PPP2R2B: variants seen among roughly 807,000 people sequenced by gnomAD.
The protein encoded by PPP2R2B is serine/threonine-protein phosphatase 2A 55 kDa regulatory subunit B beta isoform.
A neutral mutation model predicts 46.0 loss-of-function variants in PPP2R2B; 5 were observed. That is an observed-to-expected ratio of 0.11 (90% confidence interval 0.06 to 0.23). The LOEUF (loss-of-function observed/expected upper bound fraction) is 0.23, where lower values mean the gene tolerates loss of function less well. Ranked by LOEUF, PPP2R2B falls within the 10% of genes least tolerant of loss-of-function variation. The probability of loss-of-function intolerance (pLI) is 1.00; values close to 1 mark genes in which losing one functional copy is unlikely to be tolerated. For synonymous variants in PPP2R2B, 215 were observed against 206.7 expected, an observed-to-expected ratio of 1.04 and a Z score of -0.34; for missense variants, 367 against 575.0, an observed-to-expected ratio of 0.64 and a Z score of 3.70.
intron 1 of PPP2R2B, among the ~76,000 whole-genome samples, chr5:146,929,186 C>G (rs915698848): frequency 6.6e-6 from 1 of 152,150 alleles, no homozygotes; most frequent in Non-Finnish European, 1.5e-5. Context: ...TCCCACATTT[C>G]TGTTCTTTTC....
intron 2 of PPP2R2B, among the ~76,000 whole-genome samples, chr5:146,767,534 A>T (rs1211290514): frequency 6.6e-6 from 1 of 151,754 alleles, no homozygotes; most frequent in East Asian, 1.9e-4. Flanking sequence ...CAATACACAC[A>T]TACATACACA....
chr5:146,739,563 C>T (rs958852626), intron 2 of PPP2R2B, among the ~76,000 whole-genome samples: 1 of 152,102 alleles, frequency 6.6e-6, no homozygotes, highest in Non-Finnish European at 1.5e-5. Context: ...AGGAAGGACA[C>T]ATGTTCAGAA....
intron 2 of PPP2R2B, among the ~76,000 whole-genome samples, chr5:146,875,415 G>C (rs1271340979): frequency 6.6e-6 from 1 of 152,144 alleles, no homozygotes; most frequent in Admixed American, 6.5e-5. Flanking sequence ...GAGACTGAGA[G>C]AGGGGAGCTT....
At position 146,686,209 on chromosome 5, in the gene PPP2R2B, C is replaced by T. The variant is rs117381018; in HGVS notation, c.447+4919G>A. ...ATGTGCCATGGATTGTTCCAGGTGC[C>T]GGAGTTGCAGGAGAGAACAAAACAG... On this transcript the variant is annotated intron_variant, in intron 5 of 9. Coordinates refer to ENST00000394411, the MANE Select transcript of PPP2R2B (RefSeq NM_181675.4). Among the ~76,000 whole-genome samples the T allele has an allele frequency of 3.3e-3, 497 of 152,214 alleles. 3 individuals are homozygous for T. The highest frequency in any genetic ancestry group is 0.01 in the African/African-American group (432 of 41,512).
chr5:146,806,472 A>T (rs1022255071), intron 2 of PPP2R2B, among the ~76,000 whole-genome samples: 5 of 151,956 alleles, frequency 3.3e-5, no homozygotes, highest in African/African-American at 1.2e-4. Flanking sequence ...CTTGTAATAT[A>T]AAAAAAAGAA....
intron 1 of PPP2R2B, among the ~76,000 whole-genome samples, chr5:146,961,780 G>A (rs1272398941): frequency 1.3e-5 from 2 of 152,002 alleles, no homozygotes; most frequent in East Asian, 3.9e-4. Context: ...GCAATCCATA[G>A]TCAGGAAGAC....
intron 2 of PPP2R2B, among the ~76,000 whole-genome samples, chr5:146,828,285 G>A (rs1021825807): frequency 6.7e-6 from 1 of 150,022 alleles, no homozygotes; most frequent in African/African-American, 2.5e-5. Flanking sequence ...ACATTCTCTT[G>A]CTGTTTCACA....
chr5:146,758,812 G>A (rs929089420), intron 2 of PPP2R2B, among the ~76,000 whole-genome samples: 2 of 152,134 alleles, frequency 1.3e-5, no homozygotes, highest in East Asian at 3.9e-4. Flanking sequence ...GAAAAATTTA[G>A]TTATCCTACA....
intron 1 of PPP2R2B, among the ~76,000 whole-genome samples, chr5:146,901,163 G>T (rs916564890): frequency 6.6e-6 from 1 of 152,110 alleles, no homozygotes; most frequent in African/African-American, 2.4e-5. Flanking sequence ...TGACCAAGAA[G>T]CTTCCATTAC....
At chr5:146,797,761 T>C (rs952262788) in intron 2 of PPP2R2B, among the ~76,000 whole-genome samples, 2 of 152,312 alleles carry the variant, frequency 1.3e-5, no homozygotes, top group African/African-American at 4.8e-5. Context: ...CTTTGTTATC[T>C]GTATTTGTTT....
intron 2 of PPP2R2B, among the ~76,000 whole-genome samples, chr5:146,737,343 C>G (rs1436433325): frequency 1.3e-5 from 2 of 152,168 alleles, no homozygotes; most frequent in African/African-American, 4.8e-5. Context: ...CTTCATCTTG[C>G]CAGTAGCTTT....
intron 1 of PPP2R2B, among the ~76,000 whole-genome samples, chr5:147,039,611 C>A (rs1452241254): frequency 6.6e-6 from 1 of 152,148 alleles, no homozygotes; most frequent in African/African-American, 2.4e-5. Context: ...ACCACGGAGA[C>A]CATCTATGAA....
At chr5:147,046,900 T>G (rs559169160) in intron 1 of PPP2R2B, among the ~76,000 whole-genome samples, 2 of 152,106 alleles carry the variant, frequency 1.3e-5, no homozygotes, top group Non-Finnish European at 2.9e-5. Flanking sequence ...TAGAAACTCC[T>G]GCAAATGGGT....
chr5:146,728,035 A>G (rs1222995681), intron 2 of PPP2R2B, among the ~76,000 whole-genome samples: 1 of 151,706 alleles, frequency 6.6e-6, no homozygotes, highest in Admixed American at 6.6e-5. Context: ...TCTATTTCTC[A>G]GTTTTCTGTA....
chr5:146,895,384 T>C (rs1762613917), intron 1 of PPP2R2B, among the ~76,000 whole-genome samples: 1 of 152,234 alleles, frequency 6.6e-6, no homozygotes, highest in Non-Finnish European at 1.5e-5. Flanking sequence ...TCTATGAATG[T>C]TTATTTAGCA....
At chr5:146,590,326 T>TATTA (rs1447417539) in intron 9 of PPP2R2B, 100 bp from the exon 10 acceptor site, 2 of 1,324,560 alleles carry the variant, frequency 1.5e-6, no homozygotes, top group South Asian at 1.5e-5. Flanking sequence ...CCATAGGTTT[T>TATTA]ATTAAAAACA....
intron 1 of PPP2R2B, among the ~76,000 whole-genome samples, chr5:147,008,918 A>C (rs1754578051): frequency 6.6e-6 from 1 of 152,198 alleles, no homozygotes; most frequent in Non-Finnish European, 1.5e-5. Flanking sequence ...GAAAAGCATC[A>C]GTGTGGGAAG....
chr5:146,900,053 T>C (rs1762774683), intron 1 of PPP2R2B, among the ~76,000 whole-genome samples: 1 of 152,170 alleles, frequency 6.6e-6, no homozygotes, highest in Admixed American at 6.5e-5. Context: ...CAAACAAGAT[T>C]TCTATACTCA....
chr5:146,959,481 C>T (rs561202151), intron 1 of PPP2R2B, among the ~76,000 whole-genome samples: 1 of 152,272 alleles, frequency 6.6e-6, no homozygotes, highest in East Asian at 1.9e-4. Flanking sequence ...TTTATCTCCA[C>T]CCAGTACCTC....
Sources: allele counts gnomAD v4.1 joint callset (sites outside exome capture counted in the v4.1 genomes callset), GRCh38; gene constraint gnomAD v4.1.1; transcripts MANE v1.5; gene names NCBI Gene and HGNC (gene_info 2026-07-23, HGNC 2026-07-21).